The following NPAS3 variants were observed in gnomAD, a reference collection of about 807,000 sequenced individuals.
NPAS3 encodes neuronal PAS domain-containing protein 3.
A neutral mutation model predicts 73.1 loss-of-function variants in NPAS3; 14 were observed. The observed-to-expected ratio is 0.19, with a 90% CI of 0.13 to 0.30. NPAS3 has a LOEUF of 0.30. NPAS3 is among the 10% of genes least tolerant of loss of function. NPAS3 has a pLI of 1.00. For synonymous variants in NPAS3, 620 were observed against 541.5 expected (o/e 1.14, Z -2.01); for missense variants, 1,096 against 1,250.0 (o/e 0.88, Z 1.86).
chr14:32,996,521 C>G (rs2038579094), intron 1 of NPAS3, among the ~76,000 whole-genome samples: 1 of 152,168 alleles, frequency 6.6e-6, no homozygotes, highest in Non-Finnish European at 1.5e-5. Context: ...GAGCCGGGCC[C>G]CGGGTCCCTG....
intron 3 of NPAS3, among the ~76,000 whole-genome samples, chr14:33,252,800 C>T (rs1001308096): frequency 2.0e-5 from 3 of 151,946 alleles, no homozygotes; most frequent in Non-Finnish European, 4.4e-5. Flanking sequence ...TCCCACCCTC[C>T]CTTCTTTTGG....
chr14:33,001,427 C>T (rs780425051), intron 1 of NPAS3, among the ~76,000 whole-genome samples: 2 of 152,034 alleles, frequency 1.3e-5, no homozygotes, highest in Non-Finnish European at 2.9e-5. Flanking sequence ...CACTTTTTTG[C>T]TAGTATCTTA....
At chr14:33,793,724 T>C (rs2138635463) in intron 9 of NPAS3, among the ~76,000 whole-genome samples, 173 bp from the exon 10 acceptor site, 1 of 152,328 alleles carries the variant, frequency 6.6e-6, no homozygotes, top group Middle Eastern at 3.4e-3. Context: ...CTCCACTGAA[T>C]TGATTTCATT....
intron 1 of NPAS3, among the ~76,000 whole-genome samples, chr14:33,035,926 G>T (rs1211790481): frequency 6.6e-6 from 1 of 152,096 alleles, no homozygotes; most frequent in Admixed American, 6.6e-5. Flanking sequence ...AGTTTCTTTG[G>T]TCTCAGAGAA....
chr14:32,984,997 G>T (rs755864331), intron 1 of NPAS3, among the ~76,000 whole-genome samples: 16 of 152,014 alleles, frequency 1.1e-4, no homozygotes, highest in Admixed American at 3.9e-4. Flanking sequence ...TAAGTCCTGG[G>T]TATAATGTGC....
At chr14:33,456,670 G>A (rs910325000) in intron 4 of NPAS3, among the ~76,000 whole-genome samples, 3 of 152,160 alleles carry the variant, frequency 2.0e-5, no homozygotes, top group Non-Finnish European at 2.9e-5. Flanking sequence ...AGACCGCACT[G>A]TTTTCAGCTG....
intron 3 of NPAS3, among the ~76,000 whole-genome samples, chr14:33,278,174 G>T (rs2041423713): frequency 6.6e-6 from 1 of 152,146 alleles, no homozygotes; most frequent in Non-Finnish European, 1.5e-5. Context: ...AAACACACGA[G>T]TTTGGAATGG....
At chr14:33,659,839 A>G (rs957359941) in intron 5 of NPAS3, among the ~76,000 whole-genome samples, 4 of 152,200 alleles carry the variant, frequency 2.6e-5, no homozygotes, top group Admixed American at 6.5e-5. Context: ...TTCAGACAAT[A>G]GAATACATCT....
intron 1 of NPAS3, among the ~76,000 whole-genome samples, chr14:33,034,541 A>G (rs548566186): frequency 6.6e-6 from 1 of 151,730 alleles, no homozygotes. Context: ...TTATTAATAT[A>G]TAGCTGTTGC....
chr14:33,492,755 A>G (rs2051965345), intron 4 of NPAS3, among the ~76,000 whole-genome samples: 1 of 152,194 alleles, frequency 6.6e-6, no homozygotes, highest in Admixed American at 6.5e-5. Context: ...GATTGCTTAC[A>G]TCTATTACTC....
chr14:33,755,567 T>C (rs889689789), intron 7 of NPAS3, among the ~76,000 whole-genome samples: 2 of 152,194 alleles, frequency 1.3e-5, no homozygotes, highest in Non-Finnish European at 2.9e-5. Context: ...CTGATGTGAT[T>C]AGGCTGCACT....
intron 4 of NPAS3, among the ~76,000 whole-genome samples, chr14:33,550,153 A>G (rs953825101): frequency 2.0e-5 from 3 of 151,824 alleles, no homozygotes; most frequent in Admixed American, 1.3e-4. Flanking sequence ...AATACAGCCA[A>G]GCACCACTGT....
At chr14:33,632,087 C>T (rs1436925137) in intron 5 of NPAS3, among the ~76,000 whole-genome samples, 1 of 152,094 alleles carries the variant, frequency 6.6e-6, no homozygotes, top group African/African-American at 2.4e-5. Flanking sequence ...GTTAGTCTTG[C>T]AAGCTGTAAT....
chr14:33,436,370 T>G (rs947144558), intron 4 of NPAS3, among the ~76,000 whole-genome samples: 2 of 152,240 alleles, frequency 1.3e-5, no homozygotes, highest in African/African-American at 4.8e-5. Context: ...AAGGGGCAAG[T>G]GTGGTATATT....
chr14:33,083,380 C>G (rs1376903803), intron 2 of NPAS3, among the ~76,000 whole-genome samples: 2 of 151,948 alleles, frequency 1.3e-5, no homozygotes, highest in African/African-American at 4.8e-5. Context: ...ATATTGGCAA[C>G]TAAGAAAGTC....
At chr14:33,171,714 G>C (rs181251307) in intron 2 of NPAS3, among the ~76,000 whole-genome samples, 106 of 152,306 alleles carry the variant, frequency 7.0e-4, no homozygotes, top group Non-Finnish European at 1.3e-3. Context: ...TTCACTGACT[G>C]GAGTAGTGGT....
intron 5 of NPAS3, among the ~76,000 whole-genome samples, chr14:33,675,740 C>T (rs917762260): frequency 2.6e-5 from 4 of 152,146 alleles, no homozygotes; most frequent in African/African-American, 7.2e-5. Flanking sequence ...TGTATAAAAA[C>T]ACATCTTGGA....
chr14:33,723,344 A>T (rs2061169455), intron 6 of NPAS3, among the ~76,000 whole-genome samples: 1 of 152,208 alleles, frequency 6.6e-6, no homozygotes, highest in East Asian at 1.9e-4. Context: ...TGCCGGATTT[A>T]CCAAATATAG....
intron 1 of NPAS3, among the ~76,000 whole-genome samples, chr14:33,039,629 C>T (rs2040284346): frequency 6.6e-6 from 1 of 152,216 alleles, no homozygotes. Flanking sequence ...TTTGAACAGT[C>T]TGGGTCTGCC....
Sources: gnomAD v4.1 joint callset for allele counts (sites outside exome capture counted in the v4.1 genomes callset) on GRCh38, gnomAD v4.1.1 for gene constraint, MANE v1.5 for transcripts, NCBI Gene and HGNC (gene_info 2026-07-23, HGNC 2026-07-21) for gene names.